Variants in PPEF1 observed in about 807,000 individuals in gnomAD.
The protein encoded by PPEF1 is protein phosphatase with EF-hand domain 1.
In PPEF1, 12 loss-of-function variants were observed where a neutral mutation model predicts 53.3. The observed-to-expected ratio is 0.23, with a 90% CI of 0.14 to 0.36. PPEF1 has a LOEUF of 0.36. Ranked by LOEUF, PPEF1 falls within the 10% of genes least tolerant of loss-of-function variation. The pLI is 1.00. For synonymous variants in PPEF1, 165 were observed against 176.7 expected, an observed-to-expected ratio of 0.93 and a Z score of 0.52; for missense variants, 334 against 490.4, an observed-to-expected ratio of 0.68 and a Z score of 3.01.
chrX:18,793,637 G>A (rs1316585719), intron 10 of PPEF1, among the ~76,000 whole-genome samples: 1 of 110,284 alleles, frequency 9.1e-6, no homozygotes, highest in Non-Finnish European at 1.9e-5. Flanking sequence ...TGTCTGCTAA[G>A]TCGACGTCTA....
chrX:18,704,755 A>T (rs185867385), upstream of PPEF1, among the ~76,000 whole-genome samples: 1 of 111,728 alleles, frequency 9.0e-6, no homozygotes, highest in Admixed American at 9.6e-5. Flanking sequence ...AACTGAAAAA[A>T]ATCTTGATGC....
At chrX:18,761,682 A>G in intron 6 of PPEF1, 106 bp downstream of exon 6, 1 of 531,208 alleles carries the variant, frequency 1.9e-6, no homozygotes, top group Non-Finnish European at 3.0e-6. Flanking sequence ...TACAGATATA[A>G]TGTTACTGTT....
Position 18,804,046 on chromosome X carries a change from C to T in PPEF1, c.1220C>T (p.Pro407Leu). 1 of 1,202,029 alleles carries T rather than the reference C, an allele frequency of 8.3e-7. No individual in the cohort carries two copies. Among genetic ancestry groups the T allele is most frequent in the Non-Finnish European group, 1.1e-6 (1 of 889,920 alleles). ...CTCATCAGGTCTCATGAATGTAAGC[C>T]CGAAGGGTATGAAATCTGTCATGAT... Reference protein sequence around the residue: ...KMLIRSHECKPEGYEICHDGK... With the variant: ...KMLIRSHECKLEGYEICHDGK... Residue 407 changes from proline (P) to leucine (L), a missense_variant, in exon 11 of 16, where the codon CCC becomes CTC. Coordinates refer to ENST00000470157, the MANE Select transcript of PPEF1 (RefSeq NM_001377996.1).
chrX:18,678,872 C>T (rs1427810659), upstream of PPEF1, among the ~76,000 whole-genome samples: 1 of 110,801 alleles, frequency 9.0e-6, no homozygotes, highest in Non-Finnish European at 1.9e-5. Context: ...TTGTTCTCAC[C>T]ACCCCAGCGA....
Position 18,683,838 on chromosome X carries a change from A to G in PPEF1, c.-637-814A>G, listed in dbSNP as rs749870186. On this transcript the variant is annotated intron_variant, in intron 1 of 21. Transcript: ENST00000361511. ...ACTATTTTGCACCCATGAGTTGACA[A>G]TTGGGAAGAAGAAAGCTGCATGGCT... 1.8e-5 allele frequency among the ~76,000 whole-genome samples: 2 copies of G among 112,108 alleles called. 1 individual carries two copies. Among genetic ancestry groups the G allele is most frequent in the African/African-American group, 6.5e-5 (2 of 30,843 alleles).
intron 1 of PPEF1, among the ~76,000 whole-genome samples, chrX:18,723,822 C>T (rs5909216): frequency 0.41 from 44,526 of 107,674 alleles, 8,035 homozygotes; most frequent in Non-Finnish European, 0.56. Flanking sequence ...CTCTGTTGCC[C>T]AGGCTGGAGT....
chrX:18,688,090 T>C (rs1394323875), intron 3 of PPEF1, among the ~76,000 whole-genome samples: 2 of 112,439 alleles, frequency 1.8e-5, no homozygotes, highest in Non-Finnish European at 3.8e-5. Context: ...TCCTCAAAAT[T>C]ATAAAAACTT....
intron 3 of PPEF1, among the ~76,000 whole-genome samples, chrX:18,690,445 C>G (rs1444930337): frequency 9.6e-6 from 1 of 104,630 alleles, no homozygotes; most frequent in South Asian, 4.6e-4. Context: ...GGCACTGTCT[C>G]AGCTCACTGC....
chrX:18,783,364 C>T (rs1035402550), intron 8 of PPEF1, among the ~76,000 whole-genome samples: 3 of 109,941 alleles, frequency 2.7e-5, no homozygotes, highest in South Asian at 3.9e-4. Flanking sequence ...TAGCTAGCCC[C>T]GGGAGGGACA....
At position 18,757,781 on chromosome X, in the gene PPEF1, G is replaced by A. The variant is rs2045579550; in HGVS notation, c.511+40G>A. The A allele has an allele frequency of 3.0e-6, 3 of 1,013,997 alleles. No individual in the cohort carries two copies. The East Asian group carries it at 9.1e-5, about 31-fold the overall frequency. The allele number at this position is 1,013,997 out of a possible 1,213,427, so 83.6% of individuals were successfully genotyped here. On this transcript the variant is annotated intron_variant, in intron 5 of 15. Transcript: ENST00000470157. ...AGAGTTGTCCAATTAATATTTAGGA[G>A]CCTCTTGGTCCTACATCGTTTGCCT...
At chrX:18,822,276 A>G (rs1302773634) in intron 13 of PPEF1, among the ~76,000 whole-genome samples, 1 of 110,013 alleles carries the variant, frequency 9.1e-6, no homozygotes, top group Non-Finnish European at 1.9e-5. Context: ...TGCACTGTCT[A>G]CTAACAGAGA....
chrX:18,767,522 G>C (rs1158037110), intron 6 of PPEF1, among the ~76,000 whole-genome samples: 7 of 112,257 alleles, frequency 6.2e-5, no homozygotes, highest in African/African-American at 2.3e-4. Flanking sequence ...TCCAGCCTGG[G>C]CAACAGAGCG....
chrX:18,738,300 G>A (rs1276696740), intron 3 of PPEF1, among the ~76,000 whole-genome samples: 1 of 111,833 alleles, frequency 8.9e-6, no homozygotes, highest in African/African-American at 3.2e-5. Flanking sequence ...TCCTTCAGGA[G>A]CTCTTGTAAG....
At chrX:18,825,201 G>A (rs1410505890) in intron 14 of PPEF1, among the ~76,000 whole-genome samples, 1 of 111,729 alleles carries the variant, frequency 9.0e-6, no homozygotes, top group Non-Finnish European at 1.9e-5. Context: ...GTTGGAGCTA[G>A]GACTTGGGTG....
At chrX:18,815,217 T>C (rs1213161389) in intron 12 of PPEF1, among the ~76,000 whole-genome samples, 1 of 112,027 alleles carries the variant, frequency 8.9e-6, no homozygotes, top group African/African-American at 3.2e-5. Flanking sequence ...CCATGGTGTA[T>C]AATCCTTTTT....
At chrX:18,677,991 G>A (rs980058693), upstream of PPEF1, among the ~76,000 whole-genome samples, 1 of 110,047 alleles carries the variant, frequency 9.1e-6, no homozygotes, top group South Asian at 3.9e-4. Context: ...AGGCCGGGGC[G>A]CTGCCAAACA....
chrX:18,707,736 A>G lies in PPEF1; in HGVS notation c.-45A>G. ...AGGCACTTTTCACACTCTGTCTTAA[A>G]ATCAGAAGTTGAATTCATGAACACA... is the stretch of plus-strand genomic sequence containing the variant. On this transcript the variant is annotated 5_prime_UTR_variant, in exon 1 of 16. Coordinates refer to ENST00000470157, the MANE Select transcript of PPEF1 (RefSeq NM_001377996.1). 1 of 1,166,803 alleles carries G rather than the reference A, an allele frequency of 8.6e-7. No homozygotes were observed. Among genetic ancestry groups the G allele is most frequent in the Non-Finnish European group, 1.2e-6 (1 of 855,575 alleles).
intron 3 of PPEF1, 56 bp downstream of exon 3, chrX:18,733,864 T>A: frequency 1.0e-6 from 1 of 966,569 alleles, no homozygotes; most frequent in Admixed American, 3.4e-5. Flanking sequence ...ATTGTCTTCA[T>A]CAAGAGCGGT....
intron 1 of PPEF1, among the ~76,000 whole-genome samples, chrX:18,725,660 G>A (rs1203798663): frequency 1.8e-5 from 2 of 111,649 alleles, no homozygotes; most frequent in Non-Finnish European, 3.8e-5. Context: ...TGCTGACTAG[G>A]GAAGGGTGGG....
Sources: gnomAD v4.1 joint callset for allele counts (sites outside exome capture counted in the v4.1 genomes callset) on GRCh38, gnomAD v4.1.1 for gene constraint, MANE v1.5 for transcripts, NCBI Gene and HGNC (gene_info 2026-07-23, HGNC 2026-07-21) for gene names.